The following RPL37A variants were observed in gnomAD, a reference collection of about 807,000 sequenced individuals.
The protein encoded by RPL37A is ribosomal protein L37a.
RPL37A carries 5 observed loss-of-function variants against 13.6 expected under a neutral mutation model. The observed-to-expected ratio is 0.37, with a 90% CI of 0.19 to 0.78. The LOEUF (loss-of-function observed/expected upper bound fraction) is 0.78, where lower values mean the gene tolerates loss of function less well. Ranked by LOEUF, RPL37A falls within the 30% of genes least tolerant of loss-of-function variation. RPL37A has a pLI of 0.49. For synonymous variants in RPL37A, 50 were observed against 44.4 expected, an observed-to-expected ratio of 1.13 and a Z score of -0.50; for missense variants, 77 against 120.0, an observed-to-expected ratio of 0.64 and a Z score of 1.67.
At chr2:216,499,603 C>T (rs781569883) in intron 2 of RPL37A, 1 of 669,774 alleles carries the variant, frequency 1.5e-6, no homozygotes, top group East Asian at 2.8e-5. Context: ...ACCGCTTAAA[C>T]GTTAATGGGT....
chr2:216,498,932 T>C, intron 1 of RPL37A, 55 bp downstream of exon 1: 1 of 1,611,612 alleles, frequency 6.2e-7, no homozygotes, highest in Non-Finnish European at 8.5e-7. Context: ...TCTGTCCTTG[T>C]TTTCTTCTCC....
chr2:216,502,378 C>T lies in RPL37A; in HGVS notation c.*974C>T, dbSNP rs977507078. On this transcript the variant is annotated 3_prime_UTR_variant, in exon 4 of 4. Coordinates refer to ENST00000491306, the MANE Select transcript of RPL37A (RefSeq NM_000998.5). The stretch of plus-strand genomic sequence containing the variant: ...ACTAAAGGATATACATATACTGCCT[C>T]TTCTATGATGTTTCATTTGACCTAC... 2 of 152,224 alleles carry T rather than the reference C, an allele frequency of 1.3e-5. No individual in the cohort carries two copies. Among genetic ancestry groups the T allele is most frequent in the Non-Finnish European group, 1.5e-5 (1 of 68,014 alleles). The allele number at this position is 152,224 out of a possible 1,614,324, so 9.4% of individuals were successfully genotyped here.
At position 216,499,296 on chromosome 2, in the gene RPL37A, C is replaced by G; in HGVS notation, c.30C>G (p.Ile10Met). 6.2e-7 allele frequency: 1 copy of G among 1,613,404 alleles called. No homozygotes were observed. Among genetic ancestry groups the G allele is most frequent in the Non-Finnish European group, 8.5e-7 (1 of 1,179,992 alleles). The part of the protein sequence containing the change: MAKRTKKVG[I>M]VGKYGTRYGA... Reference sequence around the variant, plus strand: ...CCAAACGTACCAAGAAAGTCGGGATCGTCGGTAAATACGGGACCCGCTATG... The same window carrying G: ...CCAAACGTACCAAGAAAGTCGGGATGGTCGGTAAATACGGGACCCGCTATG... The change falls in exon 2 of 4, where the codon ATC becomes ATG. Residue 10 changes from isoleucine to methionine, a missense_variant. By Grantham distance (10) the Ile-to-Met change is conservative. This residue lies in a region of RPL37A where 11 missense variants were observed against 36.0 expected (regional missense o/e 0.31). Transcript: ENST00000491306.
intron 3 of RPL37A, chr2:216,501,095 A>G: frequency 2.9e-6 from 1 of 341,450 alleles, no homozygotes. Flanking sequence ...AAGATCCTGA[A>G]GGCATGGCTC....
In RPL37A at chr2:216,499,934, G is replaced by A; in HGVS notation, c.133-15G>A. On this transcript the variant is annotated splice_polypyrimidine_tract_variant and intron_variant, in intron 2 of 3. Coordinates refer to ENST00000491306, the MANE Select transcript of RPL37A (RefSeq NM_000998.5). ...ACTTACTTGGTTCATAGTGAAAATT[G>A]GTTCTCTTTTATAGACCAAGATGAA... The A allele has an allele frequency of 6.2e-7, 1 of 1,606,592 alleles. No individual in the cohort carries two copies. The highest frequency in any genetic ancestry group is 8.5e-7 in the Non-Finnish European group (1 of 1,173,212).
At chr2:216,499,222 T>C (rs1365095096) in intron 1 of RPL37A, 48 bp from the exon 2 acceptor site, 1 of 1,587,290 alleles carries the variant, frequency 6.3e-7, no homozygotes. Context: ...CTCCAGGGCC[T>C]GCCTGGGTTC....
In RPL37A at chr2:216,499,408, G is replaced by A; in HGVS notation, c.132+10G>A. ...CTCTTTCTGTGGCAAAGTAAGTAAG[G>A]CAAAGTCTCTGGTGAGAGGAGAGGG... On this transcript the variant is annotated intron_variant, in intron 2 of 3. Transcript: ENST00000491306. 6.2e-7 allele frequency: 1 copy of A among 1,613,900 alleles called. No homozygotes were observed. The highest frequency in any genetic ancestry group is 1.3e-5 in the African/African-American group (1 of 75,050).
chr2:216,500,671 G>T (rs532933271), intron 3 of RPL37A: 22 of 152,432 alleles, frequency 1.4e-4, no homozygotes, highest in African/African-American at 4.3e-4. Flanking sequence ...TCCTTGTGGG[G>T]GTTTTTATTA....
In RPL37A at chr2:216,499,016, G is replaced by A; in HGVS notation, c.3+139G>A. The A allele has an allele frequency of 3.7e-6, 5 of 1,364,242 alleles. No individual in the cohort carries two copies. In the South Asian group the frequency reaches 4.9e-5, roughly 13 times the overall value. 84.5% of individuals were successfully genotyped at this position (1,364,242 alleles called of 1,614,324 possible). ...TGCCTTTGCAGGAGACACCATTGTCGGAAGCTCCCCAAGGCGGAGGGGCGG... is the reference window on the plus strand; with the variant it reads ...TGCCTTTGCAGGAGACACCATTGTCAGAAGCTCCCCAAGGCGGAGGGGCGG... On this transcript the variant is annotated intron_variant, in intron 1 of 3. Coordinates refer to ENST00000491306, the MANE Select transcript of RPL37A (RefSeq NM_000998.5).
At chr2:216,499,153 T>A in intron 1 of RPL37A, 117 bp from the exon 2 acceptor site, 1 of 1,315,474 alleles carries the variant, frequency 7.6e-7, no homozygotes, top group Admixed American at 2.2e-5. Context: ...GAAAACTAGG[T>A]CATATGTAAT....
chr2:216,498,880 G>C lies in RPL37A; in HGVS notation c.3+3G>C, dbSNP rs147260036. On this transcript the variant is annotated splice_donor_region_variant and intron_variant, in intron 1 of 3. Coordinates refer to ENST00000491306, the MANE Select transcript of RPL37A (RefSeq NM_000998.5). ...CGGACCTAGGTCGCGGCGACATGGTGAGTGTGGGTCTCTGTGCGGCCTAGA... is the reference window on the plus strand; with the variant it reads ...CGGACCTAGGTCGCGGCGACATGGTCAGTGTGGGTCTCTGTGCGGCCTAGA... 7.4e-6 allele frequency: 12 copies of C among 1,613,982 alleles called. No individual in the cohort carries two copies. Among genetic ancestry groups the C allele is most frequent in the African/African-American group, 4.0e-5 (3 of 74,934 alleles).
At position 216,498,874 on chromosome 2, in the gene RPL37A, C is replaced by T. The variant is rs28365967; in HGVS notation, c.-1C>T. The T allele has an allele frequency of 0.023, 37,876 of 1,613,964 alleles. 1,413 individuals are homozygous for T. The highest frequency in any genetic ancestry group is 0.18 in the East Asian group (7,922 of 44,848). On this transcript the variant is annotated 5_prime_UTR_variant, in exon 1 of 4. Transcript: ENST00000491306. ...TGGGCTCGGACCTAGGTCGCGGCGA[C>T]ATGGTGAGTGTGGGTCTCTGTGCGG...
intron 3 of RPL37A, 184 bp from the exon 4 acceptor site, chr2:216,501,157 C>CT: frequency 1.9e-6 from 1 of 516,050 alleles, no homozygotes; most frequent in African/African-American, 1.9e-5. Flanking sequence ...GAGGAGTAAT[C>CT]TAATGTTGGT....
Position 216,502,973 on chromosome 2 carries a change from A to T in RPL37A, c.*1569A>T, listed in dbSNP as rs924594550. The T allele has an allele frequency of 1.3e-5, 2 of 152,192 alleles. No homozygotes were observed. Among genetic ancestry groups the T allele is most frequent in the Middle Eastern group, 3.2e-3 (1 of 316 alleles). The allele number at this position is 152,192 out of a possible 1,614,324, so 9.4% of individuals were successfully genotyped here. On this transcript the variant is annotated 3_prime_UTR_variant, in exon 4 of 4. Coordinates refer to ENST00000491306, the MANE Select transcript of RPL37A (RefSeq NM_000998.5). Reference sequence around the variant, plus strand: ...CATCTGTGGATCTCATTTGTGTCACAAAATGGTACTCCTACTGATTTTGTA... The same window carrying T: ...CATCTGTGGATCTCATTTGTGTCACTAAATGGTACTCCTACTGATTTTGTA...
chr2:216,499,635 G>T, intron 2 of RPL37A: 1 of 636,126 alleles, frequency 1.6e-6, no homozygotes, highest in East Asian at 2.8e-5. Context: ...TTGACAGAGT[G>T]CCCCCAGCCT....
At chr2:216,500,652 T>C (rs910317218) in intron 3 of RPL37A, 5 of 152,958 alleles carry the variant, frequency 3.3e-5, no homozygotes, top group Non-Finnish European at 7.3e-5. Context: ...TGTTGAAATA[T>C]ATATATATTC....
intron 1 of RPL37A, 124 bp from the exon 2 acceptor site, chr2:216,499,146 A>G (rs1337289256): frequency 3.8e-6 from 5 of 1,308,354 alleles, no homozygotes; most frequent in Non-Finnish European, 5.3e-6. Context: ...ATTTAGGGAA[A>G]ACTAGGTCAT....
Position 216,500,012 on chromosome 2 carries a change from G to A in RPL37A, c.196G>A (p.Gly66Ser). ...HCGSCMKTVAGGAWTYNTTSA... is the reference protein window; with the variant it reads ...HCGSCMKTVASGAWTYNTTSA... Reference sequence around the variant, plus strand: ...TGGTTCCTGCATGAAGACAGTGGCTGGCGGTGCCTGGACGTACAAGTGAGT... The same window carrying A: ...TGGTTCCTGCATGAAGACAGTGGCTAGCGGTGCCTGGACGTACAAGTGAGT... The change falls in exon 3 of 4, where the codon GGC (glycine) becomes AGC (serine). Residue 66 changes from glycine to serine, a missense_variant. Around this residue, in one of 3 missense-constraint regions of RPL37A, gnomAD observed 59 missense variants for 65.5 expected, o/e 0.90. Coordinates refer to ENST00000491306, the MANE Select transcript of RPL37A (RefSeq NM_000998.5). 1.9e-6 allele frequency: 3 copies of A among 1,613,586 alleles called. No individual in the cohort carries two copies. Among genetic ancestry groups the A allele is most frequent in the South Asian group, 1.1e-5 (1 of 91,054 alleles).
At position 216,500,034 on chromosome 2, in the gene RPL37A, G is replaced by A. The variant is rs892577477; in HGVS notation, c.215+3G>A. 6 of 1,610,602 alleles carry A rather than the reference G, an allele frequency of 3.7e-6. No homozygotes were observed. In the African/African-American group the frequency reaches 4.0e-5, roughly 11 times the overall value. The stretch of plus-strand genomic sequence containing the variant: ...GCTGGCGGTGCCTGGACGTACAAGT[G>A]AGTCTAGTTCCTTGTGGTATTTGGA... On this transcript the variant is annotated splice_donor_region_variant and intron_variant, in intron 3 of 3. Coordinates refer to ENST00000491306, the MANE Select transcript of RPL37A (RefSeq NM_000998.5).
Sources: gnomAD v4.1 joint callset for allele counts on GRCh38, gnomAD v4.1.1 for gene constraint, gnomAD v4.1.1 regional missense constraint, MANE v1.5 for transcripts, NCBI Gene and HGNC (gene_info 2026-07-23, HGNC 2026-07-21) for gene names.